Variants in SLC12A3 observed in about 807,000 individuals in gnomAD.
The protein encoded by SLC12A3 is Na-Cl cotransporter.
A neutral mutation model predicts 121.0 loss-of-function variants in SLC12A3; 104 were observed. That is an observed-to-expected ratio of 0.86 (90% CI 0.73 to 1.01). The LOEUF (loss-of-function observed/expected upper bound fraction) is 1.01, where lower values mean the gene tolerates loss of function less well. SLC12A3 is among the 50% of genes least tolerant of loss of function. The pLI is 0.00. For synonymous variants in SLC12A3, 536 were observed against 533.4 expected (o/e 1.00, Z -0.07); for missense variants, 1,328 against 1,356.3 (o/e 0.98, Z 0.33).
intron 8 of SLC12A3, among the ~76,000 whole-genome samples, chr16:56,874,755 A>G (rs1411199587): frequency 2.0e-5 from 3 of 152,222 alleles, no homozygotes; most frequent in African/African-American, 7.2e-5. Context: ...CAGTGAGCCA[A>G]GATGGCGCCA....
At chr16:56,893,473 C>T (rs2055417862) in intron 21 of SLC12A3, among the ~76,000 whole-genome samples, 1 of 152,214 alleles carries the variant, frequency 6.6e-6, no homozygotes, top group Admixed American at 6.5e-5. Flanking sequence ...TGTCTTCGCT[C>T]CAATGGAACG....
In SLC12A3 at chr16:56,894,648, T is replaced by A. The variant is rs747572270; in HGVS notation, c.2633+6T>A. 1.5e-5 allele frequency: 24 copies of A among 1,607,692 alleles called. No individual in the cohort carries two copies. Among genetic ancestry groups the A allele is most frequent in the Non-Finnish European group, 1.8e-5 (21 of 1,174,380 alleles). On this transcript the variant is annotated splice_donor_region_variant and intron_variant, in intron 22 of 25. Coordinates refer to ENST00000563236, the MANE Select transcript of SLC12A3 (RefSeq NM_001126108.2). ...ATGGACCAGGAGAGAAAGGCGTAAG[T>A]GTGGAGGGCTGGCCTGGGGGTGACT...
chr16:56,870,594 G>A, intron 5 of SLC12A3, 32 bp from the exon 6 acceptor site: 1 of 1,399,964 alleles, frequency 7.1e-7, no homozygotes, highest in Non-Finnish European at 1.0e-6. Flanking sequence ...TTCAGAGGGT[G>A]GCTTGCAGCC....
Position 56,913,592 on chromosome 16 carries a change from C to G in SLC12A3, c.*187C>G, listed in dbSNP as rs1182954599. On this transcript the variant is annotated 3_prime_UTR_variant, in exon 26 of 26. Coordinates refer to ENST00000563236, the MANE Select transcript of SLC12A3 (RefSeq NM_001126108.2). Reference sequence around the variant, plus strand: ...GACTCCACTTCCATGGGACACATTCCCTGGGTCTTGTGTTTATAGGCTAGA... The same window carrying G: ...GACTCCACTTCCATGGGACACATTCGCTGGGTCTTGTGTTTATAGGCTAGA... The G allele has an allele frequency of 1.3e-5, 9 of 678,544 alleles. No individual in the cohort carries two copies. In the African/African-American group the frequency reaches 1.6e-4, roughly 12 times the overall value. The allele number at this position is 678,544 out of a possible 1,614,324, so 42.0% of individuals were successfully genotyped here. A position where few individuals can be genotyped will look rare whatever the true frequency, so the allele number is the denominator to read the frequency against.
Position 56,899,547 on chromosome 16 carries a change from G to A in SLC12A3, c.2651G>A (p.Ser884Asn), listed in dbSNP as rs1339411088. 3 of 1,613,876 alleles carry A rather than the reference G, an allele frequency of 1.9e-6. No homozygotes were observed. Among genetic ancestry groups the A allele is most frequent in the South Asian group, 1.1e-5 (1 of 91,084 alleles). The change falls in exon 23 of 26, where the codon AGC becomes AAC. Residue 884 changes from serine (S) to asparagine (N), a missense_variant. Physicochemically the swap from Ser to Asn is conservative, Grantham distance 46. Coordinates refer to ENST00000563236, the MANE Select transcript of SLC12A3 (RefSeq NM_001126108.2). ...QERKAIISLLSKFRLGFHEVH... is the reference protein window; with the variant it reads ...QERKAIISLLNKFRLGFHEVH... ...TCCTCCAGGATCATTTCTCTGCTGAGCAAGTTCCGACTGGGATTCCATGAA... is the reference window on the plus strand; with the variant it reads ...TCCTCCAGGATCATTTCTCTGCTGAACAAGTTCCGACTGGGATTCCATGAA...
Position 56,884,176 on chromosome 16 carries a change from C to T in SLC12A3, c.1797C>T (p.Leu599=), listed in dbSNP as rs777125875. ...TCGCCATTGGCGTGGTGCTCTTCCT[C>T]CTGCTCTATGTCATCTACAAGAAGC... ...ALIAIGVVLF[L]LLYVIYKKPE... is the part of the protein sequence containing the mutation. The change falls in exon 14 of 26, where the codon CTC becomes CTT. Residue 599 remains leucine, a synonymous_variant. Coordinates refer to ENST00000563236, the MANE Select transcript of SLC12A3 (RefSeq NM_001126108.2). 3.2e-5 allele frequency: 52 copies of T among 1,614,164 alleles called. 2 individuals are homozygous for T. The South Asian group carries it at 5.6e-4, about 17-fold the overall frequency.
At chr16:56,875,325 C>T (rs554452429) in intron 8 of SLC12A3, among the ~76,000 whole-genome samples, 2 of 152,286 alleles carry the variant, frequency 1.3e-5, no homozygotes, top group African/African-American at 4.8e-5. Flanking sequence ...GGGACGAGTA[C>T]AGCCCCCATC....
intron 23 of SLC12A3, among the ~76,000 whole-genome samples, chr16:56,900,992 G>A (rs978031641): frequency 4.0e-5 from 6 of 151,834 alleles, no homozygotes; most frequent in Non-Finnish European, 5.9e-5. Flanking sequence ...CACTGCCCCC[G>A]CTGTCTGAGA....
Position 56,886,429 on chromosome 16 carries a change from C to T in SLC12A3, c.1991C>T (p.Thr664Ile). Residue 664 changes from threonine to isoleucine, a missense_variant, in exon 16 of 26, where the codon ACC becomes ATC. Physicochemically the swap from Thr to Ile is moderately conservative, Grantham distance 89. Coordinates refer to ENST00000563236, the MANE Select transcript of SLC12A3 (RefSeq NM_001126108.2). ...FRPALVDFVG[T>I]FTRNLSLMIC... ...CCGGCCCTGGTGGACTTTGTGGGCA[C>T]CTTCACCCGGAACCTCAGCCTGATG... 6.2e-7 allele frequency: 1 copy of T among 1,614,122 alleles called. No homozygotes were observed.
intron 23 of SLC12A3, among the ~76,000 whole-genome samples, 173 bp downstream of exon 23, chr16:56,899,789 C>A (rs1055992563): frequency 6.6e-6 from 1 of 152,212 alleles, no homozygotes; most frequent in African/African-American, 2.4e-5. Context: ...GGGGCCTGTC[C>A]CCTCCCTGGG....
chr16:56,883,147 C>T (rs529417920), intron 13 of SLC12A3, among the ~76,000 whole-genome samples: 1 of 152,238 alleles, frequency 6.6e-6, no homozygotes, highest in African/African-American at 2.4e-5. Flanking sequence ...CTGTCACAGA[C>T]AGTGCTGCAG....
At chr16:56,867,361 TAGAC>T (rs1567425205) in intron 2 of SLC12A3, 145 bp downstream of exon 2, 9 of 856,376 alleles carry the variant, frequency 1.1e-5, no homozygotes, top group Non-Finnish European at 1.6e-5. Context: ...AATAGATCAA[TAGAC>T]AATAGATTAA....
At chr16:56,909,878 C>G (rs1397357000) in intron 25 of SLC12A3, among the ~76,000 whole-genome samples, 1 of 152,060 alleles carries the variant, frequency 6.6e-6, no homozygotes, top group Non-Finnish European at 1.5e-5. Context: ...GGAGCATTTT[C>G]TAGAGCCGGT....
Position 56,885,250 on chromosome 16 carries a change from C to T in SLC12A3, c.1826-15C>T, listed in dbSNP as rs1304471039. ...TAACTCTGCTCTCACCCCCGTTGCTCCCTTGCTCTCCCAGAGGTAAATTGG... is the reference window on the plus strand; with the variant it reads ...TAACTCTGCTCTCACCCCCGTTGCTTCCTTGCTCTCCCAGAGGTAAATTGG... On this transcript the variant is annotated splice_polypyrimidine_tract_variant and intron_variant, in intron 14 of 25. Coordinates refer to ENST00000563236, the MANE Select transcript of SLC12A3 (RefSeq NM_001126108.2). 6.7e-6 allele frequency: 10 copies of T among 1,498,392 alleles called. No homozygotes were observed. The highest frequency in any genetic ancestry group is 2.0e-5 in the Admixed American group (1 of 50,946). 92.8% of individuals were successfully genotyped at this position (1,498,392 alleles called of 1,614,324 possible).
intron 25 of SLC12A3, among the ~76,000 whole-genome samples, chr16:56,905,949 G>A (rs1238744998): frequency 6.6e-6 from 1 of 152,100 alleles, no homozygotes; most frequent in Non-Finnish European, 1.5e-5. Flanking sequence ...AACCACAAGT[G>A]CCTCATCAAG....
intron 25 of SLC12A3, among the ~76,000 whole-genome samples, chr16:56,909,828 T>G (rs1271935971): frequency 6.6e-6 from 1 of 151,748 alleles, no homozygotes. Context: ...CTCGGTGAAA[T>G]GATTAGATCA....
Position 56,913,300 on chromosome 16 carries a change from C to T in SLC12A3, c.2961C>T (p.Ser987=), listed in dbSNP as rs760690845. Residue 987 remains serine (S), a synonymous_variant, in exon 26 of 26, where the codon AGC becomes AGT. Coordinates refer to ENST00000563236, the MANE Select transcript of SLC12A3 (RefSeq NM_001126108.2). ...TAGGGAGGAAGGGGAAGTGCCCCAGCTCGCTGTACATGGCCTGGCTGGAGA... is the reference window on the plus strand; with the variant it reads ...TAGGGAGGAAGGGGAAGTGCCCCAGTTCGCTGTACATGGCCTGGCTGGAGA... ...LPIGRKGKCP[S]SLYMAWLETL... is the part of the protein sequence containing the mutation. The T allele has an allele frequency of 6.0e-5, 97 of 1,614,064 alleles. No homozygotes were observed. The highest frequency in any genetic ancestry group is 3.8e-4 in the Admixed American group (23 of 59,998).
At position 56,902,511 on chromosome 16, in the gene SLC12A3, G is replaced by A. The variant is rs1322260833; in HGVS notation, c.2856+3G>A. On this transcript the variant is annotated splice_donor_region_variant and intron_variant, in intron 24 of 25. Transcript: ENST00000563236. ...AGATTACGAAGAACAGAGTCAAGGT[G>A]CAGAGAGGGGTGGGGGTGGGAAACG... 15 of 1,601,662 alleles carry A rather than the reference G, an allele frequency of 9.4e-6. No individual in the cohort carries two copies. The highest frequency in any genetic ancestry group is 1.3e-5 in the African/African-American group (1 of 74,196).
intron 25 of SLC12A3, among the ~76,000 whole-genome samples, chr16:56,908,797 A>G (rs7204044): frequency 0.83 from 127,089 of 152,290 alleles, 53,576 homozygotes; most frequent in African/African-American, 0.96. Flanking sequence ...TGTTCCTAGG[A>G]CAAGATTGGT....
Sources: allele counts gnomAD v4.1 joint callset (sites outside exome capture counted in the v4.1 genomes callset), GRCh38; gene constraint gnomAD v4.1.1; transcripts MANE v1.5; gene names NCBI Gene and HGNC (gene_info 2026-07-23, HGNC 2026-07-21).